Variants in NCKAP5 observed in about 807,000 individuals in gnomAD.
The protein encoded by NCKAP5 is nck-associated protein 5.
NCKAP5 carries 92 observed loss-of-function variants against 167.0 expected under a neutral mutation model. That is an observed-to-expected ratio of 0.55 (90% CI 0.47 to 0.66). The LOEUF (loss-of-function observed/expected upper bound fraction) is 0.66. Among genes scored for constraint, NCKAP5 ranks in the 30% least tolerant of loss-of-function variants. NCKAP5 has a pLI of 0.00. For missense variants in NCKAP5, 2,378 were observed against 2,315.0 expected (o/e 1.03, Z -0.56); for synonymous variants, 891 against 877.4 (o/e 1.02, Z -0.27).
intron 6 of NCKAP5, among the ~76,000 whole-genome samples, chr2:133,109,762 G>GA (rs35328665): frequency 0.061 from 8,711 of 142,134 alleles, 507 homozygotes; most frequent in African/African-American, 0.16. Context: ...AAGTTTTTCT[G>GA]AAAAAAAAAA....
intron 19 of NCKAP5, among the ~76,000 whole-genome samples, chr2:132,677,897 T>C (rs1041251970): frequency 1.3e-5 from 2 of 152,154 alleles, no homozygotes; most frequent in Non-Finnish European, 2.9e-5. Context: ...GAGTCAGCTA[T>C]ACTTTCCACG....
chr2:133,241,367 C>T (rs1047112500), intron 4 of NCKAP5, among the ~76,000 whole-genome samples: 2 of 152,208 alleles, frequency 1.3e-5, no homozygotes, highest in African/African-American at 4.8e-5. Context: ...ATTTTACAAA[C>T]ATGATCAAAA....
chr2:132,899,965 C>T (rs1378944931), intron 8 of NCKAP5, among the ~76,000 whole-genome samples: 1 of 152,098 alleles, frequency 6.6e-6, no homozygotes, highest in African/African-American at 2.4e-5. Context: ...TACTTACAAG[C>T]AGTGTAGGTT....
At chr2:132,751,044 T>C (rs950650458) in intron 16 of NCKAP5, among the ~76,000 whole-genome samples, 13 of 152,148 alleles carry the variant, frequency 8.5e-5, no homozygotes, top group Non-Finnish European at 1.9e-4. Flanking sequence ...AGCCCATTTA[T>C]TTGTTTCAGA....
intron 6 of NCKAP5, among the ~76,000 whole-genome samples, chr2:133,025,415 A>G (rs1490593987): frequency 6.6e-6 from 1 of 152,206 alleles, no homozygotes; most frequent in Non-Finnish European, 1.5e-5. Flanking sequence ...ATGTCATTCA[A>G]TGAAAGTTAG....
chr2:133,070,989 TA>T (rs1214722265), intron 6 of NCKAP5, among the ~76,000 whole-genome samples: 1 of 152,212 alleles, frequency 6.6e-6, no homozygotes, highest in Admixed American at 6.5e-5. Flanking sequence ...AAGGTCATCC[TA>T]GCTCATTATA....
intron 3 of NCKAP5, among the ~76,000 whole-genome samples, chr2:133,348,841 A>C (rs573096808): frequency 6.6e-6 from 1 of 152,342 alleles, no homozygotes; most frequent in East Asian, 1.9e-4. Context: ...AGAAATAAGA[A>C]GACACATGAC....
chr2:132,976,014 T>A (rs188573428), intron 7 of NCKAP5, among the ~76,000 whole-genome samples: 1 of 152,108 alleles, frequency 6.6e-6, no homozygotes, highest in African/African-American at 2.4e-5. Context: ...GTGTCTGAGA[T>A]TCCCTGGCAG....
chr2:132,773,400 G>T (rs1682261454), intron 16 of NCKAP5, among the ~76,000 whole-genome samples: 1 of 152,232 alleles, frequency 6.6e-6, no homozygotes, highest in Non-Finnish European at 1.5e-5. Context: ...AAAGAGAGTT[G>T]AGAGTTTTGG....
chr2:133,545,529 C>T (rs12999372), intron 2 of NCKAP5, among the ~76,000 whole-genome samples: 42,935 of 151,910 alleles, frequency 0.28, 6,501 homozygotes, highest in East Asian at 0.38. Flanking sequence ...GTTTGATAGG[C>T]TGCCTATCTG....
At chr2:132,824,967 T>C (rs1415165168) in intron 11 of NCKAP5, among the ~76,000 whole-genome samples, 1 of 152,220 alleles carries the variant, frequency 6.6e-6, no homozygotes, top group African/African-American at 2.4e-5. Context: ...ACCTATCCTA[T>C]TCTAACTGAT....
intron 4 of NCKAP5, among the ~76,000 whole-genome samples, chr2:133,252,356 C>T (rs556777628): frequency 1.3e-5 from 2 of 152,286 alleles, no homozygotes; most frequent in African/African-American, 4.8e-5. Flanking sequence ...TTCCTAGAAG[C>T]AGTTGCAGAA....
intron 6 of NCKAP5, among the ~76,000 whole-genome samples, chr2:133,049,160 A>G (rs982142634): frequency 1.3e-5 from 2 of 152,204 alleles, no homozygotes; most frequent in Admixed American, 1.3e-4. Context: ...ATGACTGTGT[A>G]ATCACTGTAC....
At chr2:133,458,609 T>C (rs940344705) in intron 3 of NCKAP5, among the ~76,000 whole-genome samples, 1 of 152,126 alleles carries the variant, frequency 6.6e-6, no homozygotes, top group African/African-American at 2.4e-5. Flanking sequence ...TCACCTTTGA[T>C]AAATCTACCA....
chr2:133,210,908 A>G (rs2086183042), intron 5 of NCKAP5, among the ~76,000 whole-genome samples: 2 of 152,160 alleles, frequency 1.3e-5, no homozygotes, highest in African/African-American at 4.8e-5. Flanking sequence ...AGGCCTTGTT[A>G]GAAGCCCTCC....
intron 10 of NCKAP5, among the ~76,000 whole-genome samples, chr2:132,865,862 A>G (rs567435155): frequency 6.6e-6 from 1 of 152,310 alleles, no homozygotes; most frequent in African/African-American, 2.4e-5. Context: ...CTTGAGAACA[A>G]AACGACTTTG....
At chr2:133,214,056 C>T (rs1322676687) in intron 4 of NCKAP5, among the ~76,000 whole-genome samples, 1 of 152,176 alleles carries the variant, frequency 6.6e-6, no homozygotes, top group Non-Finnish European at 1.5e-5. Flanking sequence ...ATATCACTCA[C>T]AAATAAATTT....
chr2:133,317,520 G>A (rs376495397), intron 3 of NCKAP5, among the ~76,000 whole-genome samples: 4 of 152,216 alleles, frequency 2.6e-5, no homozygotes, highest in East Asian at 3.9e-4. Flanking sequence ...AGGTGTGGAG[G>A]CGTCACCAGG....
At chr2:132,982,881 G>GTA (rs1241944635) in intron 7 of NCKAP5, among the ~76,000 whole-genome samples, 1 of 152,138 alleles carries the variant, frequency 6.6e-6, no homozygotes, top group Admixed American at 6.5e-5. Context: ...ATTCTGTGGT[G>GTA]TATATATACA....
Sources: gnomAD v4.1 joint callset for allele counts (sites outside exome capture counted in the v4.1 genomes callset) on GRCh38, gnomAD v4.1.1 for gene constraint, MANE v1.5 for transcripts, NCBI Gene and HGNC (gene_info 2026-07-23, HGNC 2026-07-21) for gene names.